The following FSHR variants were observed in gnomAD, a reference collection of about 807,000 sequenced individuals.
FSHR encodes the protein follicle-stimulating hormone receptor.
A neutral mutation model predicts 52.1 loss-of-function variants in FSHR; 46 were observed. The observed-to-expected ratio is 0.88, with a 90% CI of 0.70 to 1.13. The LOEUF is 1.13. FSHR is among the 50% of genes most tolerant of loss of function. The probability of loss-of-function intolerance (pLI) is 0.00; values close to 1 mark genes in which losing one functional copy is unlikely to be tolerated. For synonymous variants in FSHR, 399 were observed against 309.6 expected (o/e 1.29, Z -3.03); for missense variants, 964 against 834.6 (o/e 1.16, Z -1.91).
intron 1 of FSHR, among the ~76,000 whole-genome samples, chr2:49,092,081 C>T (rs1024534284): frequency 6.6e-6 from 1 of 152,132 alleles, no homozygotes; most frequent in Admixed American, 6.5e-5. Context: ...GATACAGATC[C>T]TGTATCTATT....
chr2:49,143,975 C>T (rs941193222), intron 1 of FSHR, among the ~76,000 whole-genome samples: 1 of 152,020 alleles, frequency 6.6e-6, no homozygotes, highest in Admixed American at 6.6e-5. Flanking sequence ...CCAGACTTTC[C>T]CCTCAGAACA....
At chr2:48,996,122 G>T (rs1463561095) in intron 4 of FSHR, among the ~76,000 whole-genome samples, 5 of 152,068 alleles carry the variant, frequency 3.3e-5, no homozygotes, top group African/African-American at 1.2e-4. Flanking sequence ...CTACTAATTG[G>T]TTTCCTATGA....
chr2:48,972,579 A>G (rs1674790699), intron 8 of FSHR, among the ~76,000 whole-genome samples: 1 of 152,010 alleles, frequency 6.6e-6, no homozygotes, highest in East Asian at 1.9e-4. Context: ...TCTGTTAGTG[A>G]CACTTGCCCT....
chr2:49,136,613 T>C (rs1344008956), intron 1 of FSHR, among the ~76,000 whole-genome samples: 1 of 152,072 alleles, frequency 6.6e-6, no homozygotes, highest in South Asian at 2.1e-4. Context: ...AAGTCCTCAA[T>C]AAAATGCTTG....
chr2:49,085,810 TGTAGGG>T (rs1670362805), intron 1 of FSHR, among the ~76,000 whole-genome samples: 1 of 152,164 alleles, frequency 6.6e-6, no homozygotes, highest in African/African-American at 2.4e-5. Context: ...TCATGTCCTT[TGTAGGG>T]ACATGGATAA....
At chr2:49,008,581 A>C (rs1363881276) in intron 4 of FSHR, among the ~76,000 whole-genome samples, 1 of 149,912 alleles carries the variant, frequency 6.7e-6, no homozygotes, top group African/African-American at 2.5e-5. Context: ...TTCCAGTTCT[A>C]GATCCCTGAG....
intron 1 of FSHR, among the ~76,000 whole-genome samples, chr2:49,075,817 T>TG (rs1204828556): frequency 6.6e-6 from 1 of 151,852 alleles, no homozygotes; most frequent in Non-Finnish European, 1.5e-5. Context: ...TTTGGGTTTT[T>TG]TTGGGAGAGA....
chr2:48,987,680 A>AC lies in FSHR; in HGVS notation c.524+1296dup, dbSNP rs1675573854. On this transcript the variant is annotated intron_variant, in intron 6 of 9. Coordinates refer to ENST00000406846, the MANE Select transcript of FSHR (RefSeq NM_000145.4). Reference sequence around the variant, plus strand: ...TTTCCCTTGTTTAACTCTTCCTTTAACCCTCGCATCACAGACTAGTGAGAT... The same window carrying AC: ...TTTCCCTTGTTTAACTCTTCCTTTAACCCCTCGCATCACAGACTAGTGAGAT... Among the ~76,000 whole-genome samples the AC allele has an allele frequency of 2.0e-5, 3 of 151,698 alleles. No individual in the cohort carries two copies. The South Asian group carries it at 6.3e-4, about 32-fold the overall frequency.
intron 1 of FSHR, among the ~76,000 whole-genome samples, chr2:49,094,930 C>T (rs1670764633): frequency 6.6e-6 from 1 of 151,736 alleles, no homozygotes; most frequent in South Asian, 2.1e-4. Context: ...AGAGAGAAGA[C>T]CCAAATTACT....
chr2:49,121,945 T>A (rs1293625780), intron 1 of FSHR, among the ~76,000 whole-genome samples: 36 of 152,188 alleles, frequency 2.4e-4, no homozygotes, highest in Admixed American at 2.4e-3. Flanking sequence ...TTGAGAAAAT[T>A]GTCATCCAAA....
chr2:49,110,723 A>G lies in FSHR; in HGVS notation c.153-42433T>C, dbSNP rs370078981. On this transcript the variant is annotated intron_variant, in intron 1 of 9. Coordinates refer to ENST00000406846, the MANE Select transcript of FSHR (RefSeq NM_000145.4). Reference sequence around the variant, plus strand: ...CTCTTGTCAGACTCAGCAAGCTGCAATTCCTCCCATGGTGTGGAGTTGCTG... The same window carrying G: ...CTCTTGTCAGACTCAGCAAGCTGCAGTTCCTCCCATGGTGTGGAGTTGCTG... Among the ~76,000 whole-genome samples, 41 of 152,234 alleles carry G rather than the reference A, an allele frequency of 2.7e-4. No individual in the cohort carries two copies. In the East Asian group the frequency reaches 6.8e-3, roughly 25 times the overall value.
At chr2:49,148,982 A>T (rs1672966147) in intron 1 of FSHR, among the ~76,000 whole-genome samples, 7 of 152,020 alleles carry the variant, frequency 4.6e-5, no homozygotes, top group Admixed American at 4.6e-4. Flanking sequence ...AGAGGGATTG[A>T]TAAGAAAGAC....
chr2:49,014,659 G>T, intron 4 of FSHR: 1 of 261,956 alleles, frequency 3.8e-6, no homozygotes, highest in Non-Finnish European at 7.5e-6. Flanking sequence ...GAATCCCTTG[G>T]TTTCAAATTT....
At position 48,990,506 on chromosome 2, in the gene FSHR, G is replaced by A. The variant is rs139730582; in HGVS notation, c.446+60C>T. The A allele has an allele frequency of 2.2e-4, 233 of 1,069,742 alleles. No homozygotes were observed. In the African/African-American group the frequency reaches 3.4e-3, roughly 16 times the overall value. The allele number at this position is 1,069,742 out of a possible 1,614,324, so 66.3% of individuals were successfully genotyped here. On this transcript the variant is annotated intron_variant, in intron 5 of 9. Coordinates refer to ENST00000406846, the MANE Select transcript of FSHR (RefSeq NM_000145.4). Reference sequence around the variant, plus strand: ...ACAATGCATATTAAAGGCCCAGATAGCCGTTGGGCAAGACAGATACTGAGT... The same window carrying A: ...ACAATGCATATTAAAGGCCCAGATAACCGTTGGGCAAGACAGATACTGAGT...
intron 5 of FSHR, among the ~76,000 whole-genome samples, chr2:48,990,172 GTGTT>G (rs1675703373): frequency 6.6e-6 from 1 of 152,082 alleles, no homozygotes; most frequent in Non-Finnish European, 1.5e-5. Flanking sequence ...TAATATGAAT[GTGTT>G]TGTTAGATAG....
chr2:48,994,611 C>T (rs1459564700), intron 4 of FSHR, among the ~76,000 whole-genome samples: 1 of 109,276 alleles, frequency 9.2e-6, no homozygotes, highest in African/African-American at 2.9e-5. Context: ...CATTTTTCCC[C>T]TCTGATCAAT....
intron 2 of FSHR, among the ~76,000 whole-genome samples, chr2:49,034,920 G>T (rs1221702530): frequency 6.6e-6 from 1 of 152,194 alleles, no homozygotes; most frequent in African/African-American, 2.4e-5. Flanking sequence ...ATTTGAAGGT[G>T]GAATTTGGGC....
At position 49,042,007 on chromosome 2, in the gene FSHR, G is replaced by A. The variant is rs1668494348; in HGVS notation, c.225-21847C>T. On this transcript the variant is annotated intron_variant, in intron 2 of 9. Transcript: ENST00000406846. ...AGAAATACAAAAACTAGTTGTGTGCGGTGGTGTGGGCCTGTAGTCCCAGGT... is the reference window on the plus strand; with the variant it reads ...AGAAATACAAAAACTAGTTGTGTGCAGTGGTGTGGGCCTGTAGTCCCAGGT... 2.0e-5 allele frequency among the ~76,000 whole-genome samples: 3 copies of A among 152,206 alleles called. 1 individual carries two copies. The South Asian group carries it at 6.2e-4, about 32-fold the overall frequency.
chr2:49,106,904 G>A (rs1671243718), intron 1 of FSHR, among the ~76,000 whole-genome samples: 3 of 152,098 alleles, frequency 2.0e-5, no homozygotes, highest in South Asian at 4.1e-4. Flanking sequence ...CTCGCCTTAA[G>A]CATCCTATTA....
Sources: allele counts gnomAD v4.1 joint callset (sites outside exome capture counted in the v4.1 genomes callset), GRCh38; gene constraint gnomAD v4.1.1; transcripts MANE v1.5; gene names NCBI Gene and HGNC (gene_info 2026-07-23, HGNC 2026-07-21).